Variants in MARCHF1 observed in about 807,000 individuals in gnomAD.
The protein encoded by MARCHF1 is E3 ubiquitin-protein ligase MARCHF1.
MARCHF1 carries 40 observed loss-of-function variants against 54.2 expected under a neutral mutation model. The observed-to-expected ratio is 0.74, with a 90% confidence interval of 0.57 to 0.96. The LOEUF is 0.96. MARCHF1 is among the 40% of genes least tolerant of loss of function. The pLI, the probability that MARCHF1 is intolerant of heterozygous loss-of-function variation, is 0.00. For synonymous variants in MARCHF1, 236 were observed against 236.3 expected (o/e 1.00, Z 0.01); for missense variants, 586 against 656.5 (o/e 0.89, Z 1.17).
At chr4:163,967,304 G>GGAGCAGT (rs1560840077) in intron 3 of MARCHF1, among the ~76,000 whole-genome samples, 2 of 152,072 alleles carry the variant, frequency 1.3e-5, no homozygotes, top group African/African-American at 4.8e-5. Context: ...AGATCAGTCA[G>GGAGCAGT]GAGCAGTGAG....
intron 3 of MARCHF1, among the ~76,000 whole-genome samples, chr4:163,883,033 T>C (rs1750450466): frequency 6.6e-6 from 1 of 152,118 alleles, no homozygotes; most frequent in Non-Finnish European, 1.5e-5. Context: ...ATGAAATATA[T>C]GTAAGAGCAC....
intron 2 of MARCHF1, among the ~76,000 whole-genome samples, chr4:164,048,083 A>G (rs902884642): frequency 1.3e-4 from 20 of 152,302 alleles, no homozygotes; most frequent in Non-Finnish European, 2.2e-4. Context: ...ACATACATAT[A>G]ACATGTTAAT....
chr4:164,307,961 TACCCCTTGAGCCTACTAAAC>T (rs1560996154), intron 1 of MARCHF1, among the ~76,000 whole-genome samples: 1 of 152,182 alleles, frequency 6.6e-6, no homozygotes, highest in Non-Finnish European at 1.5e-5. Context: ...TCACATGATT[TACCCCTTGAGCCTACTAAAC>T]ACGCCAAATC....
At chr4:164,124,789 G>A (rs891204349) in intron 1 of MARCHF1, among the ~76,000 whole-genome samples, 1 of 152,134 alleles carries the variant, frequency 6.6e-6, no homozygotes, top group Non-Finnish European at 1.5e-5. Flanking sequence ...AAGGATAGTG[G>A]AGGGTGGAGG....
chr4:164,194,505 C>G (rs1029662996), intron 1 of MARCHF1, among the ~76,000 whole-genome samples: 2 of 152,066 alleles, frequency 1.3e-5, no homozygotes. Context: ...AACCTATTTT[C>G]ATTTTAGTGT....
At chr4:164,241,147 C>T (rs1341416524) in intron 1 of MARCHF1, among the ~76,000 whole-genome samples, 1 of 152,078 alleles carries the variant, frequency 6.6e-6, no homozygotes, top group East Asian at 1.9e-4. Context: ...CTCAACTCGC[C>T]CTGTGACCCC....
chr4:164,050,874 G>A lies in MARCHF1; in HGVS notation c.-248+60714C>T, dbSNP rs540688586. On this transcript the variant is annotated intron_variant, in intron 2 of 9. Coordinates refer to ENST00000514618, the MANE Select transcript of MARCHF1 (RefSeq NM_001394959.1). ...CTTGAACCCAGGAGGCGGAGGTTGC[G>A]GTGAGCCGAGATTGTGCCATTGCAC... Among the ~76,000 whole-genome samples the A allele has an allele frequency of 1.1e-3, 173 of 151,992 alleles. 1 individual carries two copies. Among genetic ancestry groups the A allele is most frequent in the African/African-American group, 4.1e-3 (168 of 41,466 alleles).
chr4:163,796,551 G>A (rs1339115838), intron 4 of MARCHF1, among the ~76,000 whole-genome samples: 1 of 152,018 alleles, frequency 6.6e-6, no homozygotes, highest in African/African-American at 2.4e-5. Context: ...TAGAGGGGTA[G>A]TATTTGCTTT....
chr4:164,256,716 C>T (rs753916151), intron 1 of MARCHF1, among the ~76,000 whole-genome samples: 2 of 151,954 alleles, frequency 1.3e-5, no homozygotes, highest in Non-Finnish European at 2.9e-5. Flanking sequence ...AGAATGTGTA[C>T]AAGAGTAAGT....
intron 3 of MARCHF1, among the ~76,000 whole-genome samples, chr4:163,889,605 T>C (rs1310468488): frequency 6.6e-6 from 1 of 152,154 alleles, no homozygotes; most frequent in Non-Finnish European, 1.5e-5. Flanking sequence ...AAAGAGACTC[T>C]GATTAAATTT....
chr4:164,068,327 C>A (rs1469441815), intron 2 of MARCHF1, among the ~76,000 whole-genome samples: 1 of 152,190 alleles, frequency 6.6e-6, no homozygotes, highest in East Asian at 1.9e-4. Context: ...CACCGCTACA[C>A]TGTGGGAGCC....
chr4:164,350,946 C>T (rs1042676918), intron 1 of MARCHF1, among the ~76,000 whole-genome samples: 1 of 152,002 alleles, frequency 6.6e-6, no homozygotes, highest in Non-Finnish European at 1.5e-5. Context: ...CATTGCCTCA[C>T]CTGGGAAGCG....
chr4:164,262,984 G>C (rs1306086605), intron 1 of MARCHF1, among the ~76,000 whole-genome samples: 1 of 152,158 alleles, frequency 6.6e-6, no homozygotes, highest in Non-Finnish European at 1.5e-5. Context: ...CCCCTTCCTA[G>C]TGTAATAAGT....
chr4:164,229,208 G>A (rs1401857082), intron 1 of MARCHF1, among the ~76,000 whole-genome samples: 1 of 152,212 alleles, frequency 6.6e-6, no homozygotes, highest in Non-Finnish European at 1.5e-5. Flanking sequence ...CCTTTTGCAT[G>A]TGGACTAGAC....
intron 8 of MARCHF1, among the ~76,000 whole-genome samples, chr4:163,578,503 A>G (rs999728809): frequency 1.3e-5 from 2 of 152,274 alleles, no homozygotes; most frequent in Admixed American, 1.3e-4. Context: ...CCTGCTCCGT[A>G]TTCCCAATTC....
At chr4:164,164,118 A>G (rs994015392) in intron 1 of MARCHF1, among the ~76,000 whole-genome samples, 2 of 152,110 alleles carry the variant, frequency 1.3e-5, no homozygotes, top group East Asian at 3.9e-4. Flanking sequence ...AAACATCTAT[A>G]TTAGGAAAAG....
At chr4:163,841,616 C>A (rs1405615723) in intron 4 of MARCHF1, among the ~76,000 whole-genome samples, 1 of 152,008 alleles carries the variant, frequency 6.6e-6, no homozygotes, top group Non-Finnish European at 1.5e-5. Flanking sequence ...ATAACATCAG[C>A]AATTTTATGC....
At position 163,545,665 on chromosome 4, in the gene MARCHF1, A is replaced by C; in HGVS notation, c.1270T>G (p.Cys424Gly). ...SVTFHVIAIT[C>G]VVWSLYVLID... ...AATACATACAAAGACCAAACCACACAGGTGATCGCGATTACGTGGAATGTG... is the reference window on the plus strand; with the variant it reads ...AATACATACAAAGACCAAACCACACCGGTGATCGCGATTACGTGGAATGTG... The change falls in exon 9 of 10, where the codon TGT becomes GGT. Residue 424 changes from cysteine to glycine, a missense_variant. Transcript: ENST00000514618. The C allele has an allele frequency of 6.2e-7, 1 of 1,614,080 alleles. No individual in the cohort carries two copies. Among genetic ancestry groups the C allele is most frequent in the South Asian group, 1.1e-5 (1 of 91,074 alleles).
At chr4:163,742,891 G>T (rs537173514) in intron 4 of MARCHF1, among the ~76,000 whole-genome samples, 3 of 152,210 alleles carry the variant, frequency 2.0e-5, no homozygotes, top group Admixed American at 6.5e-5. Flanking sequence ...TTTAATTAAA[G>T]AATATGTAGA....
Sources: allele counts gnomAD v4.1 joint callset (sites outside exome capture counted in the v4.1 genomes callset), GRCh38; gene constraint gnomAD v4.1.1; transcripts MANE v1.5; gene names NCBI Gene and HGNC (gene_info 2026-07-23, HGNC 2026-07-21).